BRINP1: variants seen among roughly 807,000 people sequenced by gnomAD.
The protein encoded by BRINP1 is BMP/retinoic acid-inducible neural-specific protein 1.
BRINP1 carries 17 observed loss-of-function variants against 72.9 expected under a neutral mutation model. That is an observed-to-expected ratio of 0.23 (90% CI 0.16 to 0.35). The LOEUF is 0.35. BRINP1 is among the 10% of genes least tolerant of loss of function. The probability of loss-of-function intolerance (pLI) is 1.00; values close to 1 mark genes in which losing one functional copy is unlikely to be tolerated. For missense variants in BRINP1, 850 were observed against 1,001.6 expected (o/e 0.85, Z 2.04); for synonymous variants, 418 against 378.5 (o/e 1.10, Z -1.21).
At chr9:119,209,204 C>T (rs1012620136) in intron 6 of BRINP1, among the ~76,000 whole-genome samples, 1 of 152,184 alleles carries the variant, frequency 6.6e-6, no homozygotes, top group Admixed American at 6.5e-5. Context: ...GGAATACCAA[C>T]CTCATAGTAA....
intron 5 of BRINP1, among the ~76,000 whole-genome samples, chr9:119,218,394 C>T (rs1050201982): frequency 2.4e-4 from 37 of 151,956 alleles, no homozygotes; most frequent in Middle Eastern, 3.4e-3. Flanking sequence ...CCACTTGCCT[C>T]GGCCTCCCAA....
intron 1 of BRINP1, among the ~76,000 whole-genome samples, chr9:119,360,089 T>C (rs1256559947): frequency 6.6e-6 from 1 of 152,212 alleles, no homozygotes; most frequent in Non-Finnish European, 1.5e-5. Context: ...AATGTTGTTG[T>C]CCTATTGATA....
At chr9:119,194,746 A>G (rs555192649) in intron 7 of BRINP1, among the ~76,000 whole-genome samples, 9 of 152,290 alleles carry the variant, frequency 5.9e-5, no homozygotes, top group African/African-American at 2.2e-4. Context: ...AATTCTGCCA[A>G]CACCTTGAAG....
intron 1 of BRINP1, among the ~76,000 whole-genome samples, chr9:119,334,663 C>A (rs961977781): frequency 1.3e-5 from 2 of 151,316 alleles, no homozygotes; most frequent in African/African-American, 4.9e-5. Context: ...TGCACCTGTG[C>A]AACGAGGAAG....
Position 119,320,412 on chromosome 9 carries a change from C to T in BRINP1, c.-50-7007G>A, listed in dbSNP as rs149192288. Among the ~76,000 whole-genome samples, 16 of 152,286 alleles carry T rather than the reference C, an allele frequency of 1.1e-4. No homozygotes were observed. In the East Asian group the frequency reaches 3.1e-3, roughly 29 times the overall value. On this transcript the variant is annotated intron_variant, in intron 1 of 7. Transcript: ENST00000265922. ...GAACAACTATTATGTGTCAGGTACTCTTCTAGAAGATAGAAATTCAATAGT... is the reference window on the plus strand; with the variant it reads ...GAACAACTATTATGTGTCAGGTACTTTTCTAGAAGATAGAAATTCAATAGT...
intron 2 of BRINP1, among the ~76,000 whole-genome samples, chr9:119,305,164 T>G (rs1213271744): frequency 6.6e-6 from 1 of 152,240 alleles, no homozygotes; most frequent in Non-Finnish European, 1.5e-5. Flanking sequence ...ATCTTGATAT[T>G]TAAGAAGCAT....
At chr9:119,169,306 G>A (rs1204647926) in intron 7 of BRINP1, among the ~76,000 whole-genome samples, 9 of 152,246 alleles carry the variant, frequency 5.9e-5, no homozygotes, top group Non-Finnish European at 1.0e-4. Flanking sequence ...GCGAGGCATT[G>A]CCTCACTTGG....
intron 1 of BRINP1, among the ~76,000 whole-genome samples, chr9:119,355,038 T>G (rs1681005692): frequency 1.3e-5 from 2 of 152,188 alleles, no homozygotes; most frequent in African/African-American, 4.8e-5. Context: ...CTTTCTCCCC[T>G]GCTTTGACTC....
intron 3 of BRINP1, among the ~76,000 whole-genome samples, chr9:119,242,934 C>T (rs1024531060): frequency 5.9e-5 from 9 of 151,844 alleles, no homozygotes; most frequent in African/African-American, 2.2e-4. Flanking sequence ...AGGGAGCTGC[C>T]TCTATTCTCT....
chr9:119,245,214 T>C (rs1977574), intron 3 of BRINP1, among the ~76,000 whole-genome samples: 5 of 64,548 alleles, frequency 7.7e-5, no homozygotes, highest in East Asian at 2.9e-3. Context: ...CACACACACA[T>C]ATACATGTTG....
intron 2 of BRINP1, among the ~76,000 whole-genome samples, chr9:119,301,307 T>A (rs1830936405): frequency 6.6e-6 from 1 of 152,250 alleles, no homozygotes; most frequent in African/African-American, 2.4e-5. Context: ...AGTGGATTTA[T>A]TACTTAAGGT....
At position 119,318,963 on chromosome 9, in the gene BRINP1, G is replaced by A. The variant is rs532040814; in HGVS notation, c.-50-5558C>T. Among the ~76,000 whole-genome samples the A allele has an allele frequency of 9.9e-5, 15 of 151,558 alleles. No homozygotes were observed. In the South Asian group the frequency reaches 2.7e-3, roughly 27 times the overall value. ...ATTTAACTCGTACTTCCCAAGTGTGGACCTTTTGCTCCCCAGGGAACATCT... is the reference window on the plus strand; with the variant it reads ...ATTTAACTCGTACTTCCCAAGTGTGAACCTTTTGCTCCCCAGGGAACATCT... On this transcript the variant is annotated intron_variant, in intron 1 of 7. Coordinates refer to ENST00000265922, the MANE Select transcript of BRINP1 (RefSeq NM_014618.3).
intron 2 of BRINP1, among the ~76,000 whole-genome samples, chr9:119,306,852 G>A (rs1831002271): frequency 6.6e-6 from 1 of 152,118 alleles, no homozygotes; most frequent in Non-Finnish European, 1.5e-5. Flanking sequence ...AAACATGGAT[G>A]ATTCTTTCCC....
At chr9:119,297,421 A>G (rs1192481032) in intron 2 of BRINP1, among the ~76,000 whole-genome samples, 1 of 152,154 alleles carries the variant, frequency 6.6e-6, no homozygotes, top group African/African-American at 2.4e-5. Context: ...GCCTGGGTTC[A>G]AATCAGAGTT....
chr9:119,247,637 G>C (rs1830336306), intron 3 of BRINP1, among the ~76,000 whole-genome samples: 1 of 120,522 alleles, frequency 8.3e-6, no homozygotes, highest in Non-Finnish European at 1.6e-5. Context: ...CATCCTAGGC[G>C]ACAGAGCGAG....
In BRINP1 at chr9:119,166,834, C is replaced by G; in HGVS notation, c.*250G>C. On this transcript the variant is annotated 3_prime_UTR_variant, in exon 8 of 8. Transcript: ENST00000265922. ...AGCACCTGAGGCCTAAGAAGCAACTCCCTCAATGCTCCACAAAAGGCTGAG... is the reference window on the plus strand; with the variant it reads ...AGCACCTGAGGCCTAAGAAGCAACTGCCTCAATGCTCCACAAAAGGCTGAG... 1 of 433,400 alleles carries G rather than the reference C, an allele frequency of 2.3e-6. No individual in the cohort carries two copies. The highest frequency in any genetic ancestry group is 4.1e-6 in the Non-Finnish European group (1 of 242,380). The allele number at this position is 433,400 out of a possible 1,614,324, so 26.8% of individuals were successfully genotyped here.
chr9:119,185,820 G>A (rs1403520772), intron 7 of BRINP1, among the ~76,000 whole-genome samples: 2 of 152,138 alleles, frequency 1.3e-5, no homozygotes, highest in Non-Finnish European at 2.9e-5. Context: ...CAGAAAAGAA[G>A]CCCACGTTGT....
At chr9:119,194,200 C>A (rs553931325) in intron 7 of BRINP1, among the ~76,000 whole-genome samples, 4 of 152,168 alleles carry the variant, frequency 2.6e-5, no homozygotes, top group African/African-American at 9.7e-5. Context: ...AATTACTGAT[C>A]CACAAATCAG....
chr9:119,308,563 C>T (rs1380530883), intron 2 of BRINP1, among the ~76,000 whole-genome samples: 1 of 152,220 alleles, frequency 6.6e-6, no homozygotes, highest in Non-Finnish European at 1.5e-5. Context: ...ATCCCCAGCA[C>T]CATCCATTTA....
Sources: gnomAD v4.1 joint callset for allele counts (sites outside exome capture counted in the v4.1 genomes callset) on GRCh38, gnomAD v4.1.1 for gene constraint, MANE v1.5 for transcripts, NCBI Gene and HGNC (gene_info 2026-07-23, HGNC 2026-07-21) for gene names.